Variants in ARHGAP10 observed in about 807,000 individuals in gnomAD.
ARHGAP10 encodes the protein Rho GTPase activating protein 10, also known as rho GTPase-activating protein 10.
Under a neutral mutation model 108.6 loss-of-function variants are expected in ARHGAP10, and 87 were observed. The observed-to-expected ratio is 0.80, with a 90% confidence interval of 0.67 to 0.96. The LOEUF (loss-of-function observed/expected upper bound fraction) is 0.96, where lower values mean the gene tolerates loss of function less well. ARHGAP10 is among the 40% of genes least tolerant of loss of function. ARHGAP10 has a pLI of 0.00. For missense variants in ARHGAP10, 939 were observed against 954.5 expected (o/e 0.98, Z 0.21); for synonymous variants, 347 against 341.1 (o/e 1.02, Z -0.19).
intron 15 of ARHGAP10, among the ~76,000 whole-genome samples, chr4:147,951,693 TCCTC>T (rs1206247489): frequency 6.6e-6 from 1 of 152,112 alleles, no homozygotes; most frequent in African/African-American, 2.4e-5. Context: ...TCTCAAGTGA[TCCTC>T]CCACCTTGGC....
chr4:147,900,462 T>A (rs1408183016), intron 10 of ARHGAP10, among the ~76,000 whole-genome samples: 1 of 152,182 alleles, frequency 6.6e-6, no homozygotes, highest in East Asian at 1.9e-4. Context: ...ACTTGGTTTA[T>A]TTTTTTCGTT....
At chr4:148,045,570 C>T (rs1019541524) in intron 19 of ARHGAP10, among the ~76,000 whole-genome samples, 4 of 151,692 alleles carry the variant, frequency 2.6e-5, no homozygotes, top group African/African-American at 2.4e-5. Context: ...GAAACCCTGT[C>T]GCTACTAAAA....
intron 14 of ARHGAP10, among the ~76,000 whole-genome samples, chr4:147,944,738 G>A (rs1298827951): frequency 2.0e-5 from 3 of 152,112 alleles, no homozygotes; most frequent in Non-Finnish European, 2.9e-5. Flanking sequence ...GTGGAGTGAG[G>A]GAGAAATAGT....
chr4:147,764,493 A>T lies in ARHGAP10; in HGVS notation c.154+32038A>T, dbSNP rs1579014874. 2.0e-5 allele frequency among the ~76,000 whole-genome samples: 3 copies of T among 152,076 alleles called. No homozygotes were observed. The South Asian group carries it at 6.2e-4, about 32-fold the overall frequency. Reference sequence around the variant, plus strand: ...TAATAGTGACTTTGAGGTAAAAAAAAAAAACCTCCAAATCTGGAATCAATT... The same window carrying T: ...TAATAGTGACTTTGAGGTAAAAAAATAAAACCTCCAAATCTGGAATCAATT... On this transcript the variant is annotated intron_variant, in intron 1 of 22. Coordinates refer to ENST00000336498, the MANE Select transcript of ARHGAP10 (RefSeq NM_024605.4).
chr4:147,985,178 G>T (rs55881523), intron 18 of ARHGAP10, among the ~76,000 whole-genome samples: 7,061 of 152,030 alleles, frequency 0.046, 510 homozygotes, highest in African/African-American at 0.16. Flanking sequence ...GAAGGGAAGG[G>T]TAGCTCTGGC....
intron 1 of ARHGAP10, among the ~76,000 whole-genome samples, chr4:147,813,031 A>C (rs545921029): frequency 6.6e-6 from 1 of 152,290 alleles, no homozygotes; most frequent in East Asian, 1.9e-4. Context: ...ATGAGTGTTC[A>C]AATTTCTTTA....
At chr4:147,797,525 G>A (rs1462831919) in intron 1 of ARHGAP10, among the ~76,000 whole-genome samples, 1 of 152,126 alleles carries the variant, frequency 6.6e-6, no homozygotes, top group African/African-American at 2.4e-5. Flanking sequence ...TGATTCTCCT[G>A]CCTCAGCCTC....
intron 13 of ARHGAP10, among the ~76,000 whole-genome samples, chr4:147,929,287 A>G (rs150394779): frequency 2.8e-4 from 42 of 152,306 alleles, no homozygotes; most frequent in African/African-American, 8.2e-4. Flanking sequence ...CCAAAGCTTT[A>G]GAATTATGTA....
intron 18 of ARHGAP10, among the ~76,000 whole-genome samples, chr4:147,998,971 A>T (rs1740587467): frequency 6.6e-6 from 1 of 152,166 alleles, no homozygotes; most frequent in African/African-American, 2.4e-5. Flanking sequence ...GGTATCTAAA[A>T]CCTGGAAGGG....
At chr4:148,057,825 G>C (rs891630074) in intron 20 of ARHGAP10, among the ~76,000 whole-genome samples, 1 of 152,330 alleles carries the variant, frequency 6.6e-6, no homozygotes. Context: ...GTGGTGTCAC[G>C]GTTTCCTGGG....
intron 13 of ARHGAP10, among the ~76,000 whole-genome samples, chr4:147,915,708 AT>A (rs201111144): frequency 1.9e-3 from 287 of 152,222 alleles, no homozygotes; most frequent in African/African-American, 6.6e-3. Context: ...CTTTTTGAAT[AT>A]TTTTCCCCCC....
intron 13 of ARHGAP10, among the ~76,000 whole-genome samples, chr4:147,939,169 A>G (rs1738071256): frequency 6.6e-6 from 1 of 152,224 alleles, no homozygotes; most frequent in African/African-American, 2.4e-5. Context: ...ATATTTGTTC[A>G]GCATACCAAA....
chr4:148,067,846 A>G (rs984820735), intron 22 of ARHGAP10, among the ~76,000 whole-genome samples: 3 of 152,154 alleles, frequency 2.0e-5, no homozygotes, highest in African/African-American at 7.2e-5. Flanking sequence ...GTGTAGCTCC[A>G]TGACTGTCCT....
intron 3 of ARHGAP10, among the ~76,000 whole-genome samples, chr4:147,838,131 T>C (rs947619386): frequency 1.3e-5 from 2 of 152,112 alleles, no homozygotes; most frequent in Non-Finnish European, 2.9e-5. Flanking sequence ...CCTTTGAGAT[T>C]AGTATATTCA....
At chr4:147,899,310 T>G (rs942231130) in intron 10 of ARHGAP10, among the ~76,000 whole-genome samples, 1 of 151,240 alleles carries the variant, frequency 6.6e-6, no homozygotes, top group African/African-American at 2.4e-5. Flanking sequence ...GCAGCTGGGG[T>G]GTGTGTGTGT....
intron 10 of ARHGAP10, among the ~76,000 whole-genome samples, chr4:147,896,460 G>T (rs1343559446): frequency 6.6e-6 from 1 of 151,990 alleles, no homozygotes; most frequent in Non-Finnish European, 1.5e-5. Context: ...TCTCTAAATT[G>T]TTGACTTTAT....
chr4:147,982,992 C>T (rs1162027616), intron 18 of ARHGAP10, among the ~76,000 whole-genome samples: 1 of 150,746 alleles, frequency 6.6e-6, no homozygotes, highest in South Asian at 2.1e-4. Context: ...GTGATTCTTC[C>T]GCCTCAGTCT....
At chr4:147,919,225 TAATA>T (rs758475145) in intron 13 of ARHGAP10, among the ~76,000 whole-genome samples, 83 of 152,336 alleles carry the variant, frequency 5.4e-4, no homozygotes, top group African/African-American at 1.2e-3. Flanking sequence ...AAATAACAAA[TAATA>T]AATATATGAC....
intron 18 of ARHGAP10, among the ~76,000 whole-genome samples, chr4:147,983,864 A>C (rs576644529): frequency 1.3e-5 from 2 of 152,236 alleles, no homozygotes; most frequent in Non-Finnish European, 2.9e-5. Context: ...GTGACAAAAC[A>C]GTCTGGCTTT....
Sources: gnomAD v4.1 joint callset for allele counts (sites outside exome capture counted in the v4.1 genomes callset) on GRCh38, gnomAD v4.1.1 for gene constraint, MANE v1.5 for transcripts, NCBI Gene and HGNC (gene_info 2026-07-23, HGNC 2026-07-21) for gene names.